The following CLCA2 variants were observed in gnomAD, a reference collection of about 807,000 sequenced individuals.
CLCA2 encodes chloride channel accessory 2, also known as calcium-activated chloride channel regulator 2.
CLCA2 carries 85 observed loss-of-function variants against 82.9 expected under a neutral mutation model. The observed-to-expected ratio is 1.03, with a 90% CI of 0.86 to 1.23. The LOEUF (loss-of-function observed/expected upper bound fraction) is 1.23, where lower values mean the gene tolerates loss of function less well. Among genes scored for constraint, CLCA2 ranks in the 50% most tolerant of loss-of-function variants. The pLI is 0.00. For missense variants in CLCA2, 1,089 were observed against 1,124.8 expected, an observed-to-expected ratio of 0.97 and a Z score of 0.45; for synonymous variants, 421 against 391.7, an observed-to-expected ratio of 1.07 and a Z score of -0.88.
chr1:86,443,386 G>A (rs569233783), intron 9 of CLCA2, among the ~76,000 whole-genome samples: 23 of 152,164 alleles, frequency 1.5e-4, no homozygotes, highest in East Asian at 5.8e-4. Flanking sequence ...ATTTCTTATC[G>A]AAATATATAA....
In CLCA2 at chr1:86,453,455, G is replaced by A. The variant is rs772475433; in HGVS notation, c.2242G>A (p.Gly748Ser). 10 of 1,614,144 alleles carry A rather than the reference G, an allele frequency of 6.2e-6. No individual in the cohort carries two copies. Among genetic ancestry groups the A allele is most frequent in the Non-Finnish European group, 7.6e-6 (9 of 1,180,034 alleles). Residue 748 changes from glycine to serine, a missense_variant, in exon 13 of 14, where the codon GGC becomes AGC. Coordinates refer to ENST00000370565, the MANE Select transcript of CLCA2 (RefSeq NM_006536.7). Reference sequence around the variant, plus strand: ...GGGCTTTAGCCGAGTCAGCTCAGGAGGCTCCTTTTCAGTGCTGGGAGTTCC... The same window carrying A: ...GGGCTTTAGCCGAGTCAGCTCAGGAAGCTCCTTTTCAGTGCTGGGAGTTCC... ...KWGFSRVSSG[G>S]SFSVLGVPAG... is the part of the protein sequence containing the mutation.
intron 12 of CLCA2, among the ~76,000 whole-genome samples, chr1:86,452,583 C>A (rs1044497522): frequency 1.3e-5 from 2 of 152,136 alleles, no homozygotes; most frequent in African/African-American, 4.8e-5. Flanking sequence ...GCTTTTCTAA[C>A]TTGAAACCTC....
chr1:86,442,233 A>C (rs1205761616), intron 9 of CLCA2, among the ~76,000 whole-genome samples: 1 of 152,218 alleles, frequency 6.6e-6, no homozygotes, highest in Non-Finnish European at 1.5e-5. Context: ...ATATTTACAC[A>C]GTGAAGGCAA....
intron 11 of CLCA2, among the ~76,000 whole-genome samples, chr1:86,450,353 A>G (rs1662936373): frequency 6.6e-6 from 1 of 152,230 alleles, no homozygotes; most frequent in African/African-American, 2.4e-5. Flanking sequence ...ATTCACCTTT[A>G]GAAAATCATT....
intron 2 of CLCA2, among the ~76,000 whole-genome samples, chr1:86,427,249 T>G (rs934081965): frequency 1.3e-5 from 2 of 151,914 alleles, no homozygotes; most frequent in African/African-American, 4.8e-5. Context: ...TTCCATTCCA[T>G]GAAGGGCACT....
intron 7 of CLCA2, among the ~76,000 whole-genome samples, chr1:86,439,619 C>A (rs2101701270): frequency 6.6e-6 from 1 of 152,274 alleles, no homozygotes; most frequent in South Asian, 2.1e-4. Flanking sequence ...GGATGCTTAT[C>A]TGATAGCAAA....
intron 8 of CLCA2, among the ~76,000 whole-genome samples, chr1:86,441,223 C>T (rs1385279998): frequency 6.6e-6 from 1 of 152,014 alleles, no homozygotes; most frequent in Admixed American, 6.6e-5. Flanking sequence ...TAGGCCCTGG[C>T]AATACAGTCA....
intron 2 of CLCA2, among the ~76,000 whole-genome samples, chr1:86,428,203 C>A (rs1196380512): frequency 6.6e-6 from 1 of 152,112 alleles, no homozygotes; most frequent in East Asian, 1.9e-4. Context: ...TTTTGGAAAT[C>A]CCAAGTGATT....
chr1:86,451,423 G>A (rs1662965727), intron 12 of CLCA2, among the ~76,000 whole-genome samples: 1 of 152,064 alleles, frequency 6.6e-6, no homozygotes, highest in Non-Finnish European at 1.5e-5. Context: ...ATGTATTTTA[G>A]AAGTTATAAC....
At chr1:86,438,220 G>C (rs541408620) in intron 6 of CLCA2, among the ~76,000 whole-genome samples, 1 of 152,130 alleles carries the variant, frequency 6.6e-6, no homozygotes, top group African/African-American at 2.4e-5. Context: ...TTTTCCCAGA[G>C]CTTTCAAAAC....
intron 1 of CLCA2, among the ~76,000 whole-genome samples, chr1:86,424,740 A>T (rs1662356916): frequency 6.6e-6 from 1 of 152,148 alleles, no homozygotes; most frequent in East Asian, 1.9e-4. Flanking sequence ...ATAACAACCC[A>T]TTGTGGCAAC....
intron 6 of CLCA2, among the ~76,000 whole-genome samples, chr1:86,436,443 G>C (rs1662611160): frequency 6.6e-6 from 1 of 152,010 alleles, no homozygotes; most frequent in Non-Finnish European, 1.5e-5. Context: ...GTATACCACT[G>C]TCTACTTCAT....
chr1:86,444,928 G>T (rs1396766633), intron 10 of CLCA2, among the ~76,000 whole-genome samples: 1 of 137,984 alleles, frequency 7.2e-6, no homozygotes. Flanking sequence ...ATGGAGTCTC[G>T]CTCTGTCACC....
intron 3 of CLCA2, among the ~76,000 whole-genome samples, chr1:86,430,073 A>G (rs911743204): frequency 3.3e-5 from 5 of 151,626 alleles, no homozygotes; most frequent in African/African-American, 7.3e-5. Flanking sequence ...CTCAGCACAC[A>G]CTTCCTGAGT....
At chr1:86,429,628 G>A (rs1349645410) in intron 3 of CLCA2, among the ~76,000 whole-genome samples, 1 of 152,112 alleles carries the variant, frequency 6.6e-6, no homozygotes, top group Non-Finnish European at 1.5e-5. Context: ...GAGATCTGAG[G>A]GAGAAAATAG....
chr1:86,426,578 G>C (rs2101688226), intron 2 of CLCA2, among the ~76,000 whole-genome samples: 1 of 152,284 alleles, frequency 6.6e-6, no homozygotes, highest in Admixed American at 6.5e-5. Context: ...GGAAGAGTTA[G>C]TGTTTAAGCT....
intron 9 of CLCA2, among the ~76,000 whole-genome samples, chr1:86,442,584 C>T (rs1220323122): frequency 6.6e-6 from 1 of 152,144 alleles, no homozygotes; most frequent in Non-Finnish European, 1.5e-5. Flanking sequence ...CATCAGCAAT[C>T]CATAAATATT....
At chr1:86,444,154 G>A (rs1185100518) in intron 10 of CLCA2, 143 bp downstream of exon 10, 5 of 611,618 alleles carry the variant, frequency 8.2e-6, no homozygotes, top group African/African-American at 1.9e-5. Flanking sequence ...AGGCCATTTT[G>A]TGAATATTAA....
intron 3 of CLCA2, among the ~76,000 whole-genome samples, chr1:86,428,988 T>C (rs1662443152): frequency 6.6e-6 from 1 of 152,090 alleles, no homozygotes; most frequent in Non-Finnish European, 1.5e-5. Context: ...AGGGAGACTG[T>C]GGGCAGTGGG....
Sources: allele counts gnomAD v4.1 joint callset (sites outside exome capture counted in the v4.1 genomes callset), GRCh38; gene constraint gnomAD v4.1.1; transcripts MANE v1.5; gene names NCBI Gene and HGNC (gene_info 2026-07-23, HGNC 2026-07-21).